The following AVEN variants were observed in gnomAD, a reference collection of about 807,000 sequenced individuals.
AVEN encodes the protein apoptosis and caspase activation inhibitor, also known as cell death regulator Aven.
Under a neutral mutation model 38.1 loss-of-function variants are expected in AVEN, and 41 were observed. The ratio of observed to expected loss-of-function variants is 1.08; its 90% CI spans 0.84 to 1.40. AVEN has a LOEUF of 1.40. Among genes scored for constraint, AVEN ranks in the 40% most tolerant of loss-of-function variants. The pLI, the probability that AVEN is intolerant of heterozygous loss-of-function variation, is 0.00. For synonymous variants in AVEN, 206 were observed against 171.8 expected (o/e 1.20, Z -1.56); for missense variants, 605 against 438.8 (o/e 1.38, Z -3.38).
chr15:34,032,927 T>C (rs1228827788), intron 1 of AVEN, among the ~76,000 whole-genome samples: 1 of 152,224 alleles, frequency 6.6e-6, no homozygotes, highest in Non-Finnish European at 1.5e-5. Context: ...CCTAATACAG[T>C]CATCACTTGA....
chr15:33,891,954 T>G (rs1398661737), intron 2 of AVEN, among the ~76,000 whole-genome samples: 1 of 152,258 alleles, frequency 6.6e-6, no homozygotes, highest in African/African-American at 2.4e-5. Context: ...TCATTGTGGT[T>G]TTGATTTGCA....
At position 33,867,784 on chromosome 15, in the gene AVEN, C is replaced by T. The variant is rs1288655438; in HGVS notation, c.684G>A (p.Gln228=). ...CTCCAGGCCCCAAGGGCCCCTTTAA[C>T]TGCATCCCTAATCCCTTGCCATCAT... ...RTDDGKGLGM[Q]LKGPLGPGGR... Residue 228 remains glutamine (Q), a synonymous_variant, in exon 5 of 6, where the codon CAG becomes CAA. Transcript: ENST00000306730. 6.2e-7 allele frequency: 1 copy of T among 1,614,036 alleles called. No individual in the cohort carries two copies. The highest frequency in any genetic ancestry group is 8.5e-7 in the Non-Finnish European group (1 of 1,179,942).
Position 34,038,786 on chromosome 15 carries a change from G to T in AVEN, c.261C>A (p.Ser87Arg), listed in dbSNP as rs1306024319. 2 of 1,183,328 alleles carry T rather than the reference G, an allele frequency of 1.7e-6. No individual in the cohort carries two copies. Among genetic ancestry groups the T allele is most frequent in the Non-Finnish European group, 2.1e-6 (2 of 957,176 alleles). 73.3% of individuals were successfully genotyped at this position (1,183,328 alleles called of 1,614,324 possible). ...ACCAGCCGTCGCCTCTTACCGGCGC[G>T]CTGGCCCCTGCGCCCCAGCCTCCCG... ...REPGGWGAGA[S>R]APVEDDSDAE... Residue 87 changes from serine to arginine, a missense_variant, in exon 1 of 6, where the codon AGC becomes AGA. By Grantham distance (110) the Ser-to-Arg change is moderately radical (BLOSUM62 -1). Coordinates refer to ENST00000306730, the MANE Select transcript of AVEN (RefSeq NM_020371.3).
chr15:33,881,457 A>T (rs1317961271), intron 2 of AVEN, among the ~76,000 whole-genome samples: 1 of 152,140 alleles, frequency 6.6e-6, no homozygotes, highest in Non-Finnish European at 1.5e-5. Flanking sequence ...CAGTGGCACA[A>T]TCATAGCTCA....
chr15:34,048,987 G>T (rs964991928), intron 5 of AVEN, among the ~76,000 whole-genome samples: 4 of 152,076 alleles, frequency 2.6e-5, no homozygotes, highest in Non-Finnish European at 5.9e-5. Context: ...ACTGTTAAAA[G>T]AAAAACAAAC....
At chr15:34,017,495 T>TTTTG (rs1567469678) in intron 1 of AVEN, among the ~76,000 whole-genome samples, 2 of 108,380 alleles carry the variant, frequency 1.8e-5, no homozygotes, top group African/African-American at 5.3e-5. Flanking sequence ...TTTTTTTTTT[T>TTTTG]TTTTTGAGAC....
chr15:34,029,644 G>A (rs1301577891), intron 1 of AVEN, among the ~76,000 whole-genome samples: 1 of 152,090 alleles, frequency 6.6e-6, no homozygotes, highest in Non-Finnish European at 1.5e-5. Flanking sequence ...CAACACTTGG[G>A]AATGGAGTGA....
intron 2 of AVEN, among the ~76,000 whole-genome samples, chr15:33,999,426 G>A (rs1161630111): frequency 6.6e-6 from 1 of 152,176 alleles, no homozygotes; most frequent in African/African-American, 2.4e-5. Context: ...TATATTGAGT[G>A]TGCCAGCCAT....
chr15:33,984,691 T>C (rs982590836), intron 2 of AVEN, among the ~76,000 whole-genome samples: 8 of 152,158 alleles, frequency 5.3e-5, no homozygotes, highest in African/African-American at 1.9e-4. Flanking sequence ...TGTGAGGCAC[T>C]GCACCCAGCC....
rs546677029 is a variant in AVEN at position 33,892,165 on chromosome 15, A to G, written c.446-16170T>C. Among the ~76,000 whole-genome samples the G allele has an allele frequency of 2.0e-3, 302 of 152,164 alleles. 2 individuals carry two copies. The highest frequency in any genetic ancestry group is 2.1e-3 in the Non-Finnish European group (145 of 67,992). On this transcript the variant is annotated intron_variant, in intron 2 of 5. Coordinates refer to ENST00000306730, the MANE Select transcript of AVEN (RefSeq NM_020371.3). Reference sequence around the variant, plus strand: ...GGGTAGATTGCAAAAATTTTCTCCGATTCTGTAGGTTGCCTGTTCACTCTG... The same window carrying G: ...GGGTAGATTGCAAAAATTTTCTCCGGTTCTGTAGGTTGCCTGTTCACTCTG...
chr15:33,854,716 G>C (rs780509471), downstream of AVEN: 4 of 1,557,268 alleles, frequency 2.6e-6, no homozygotes, highest in African/African-American at 5.5e-5. Context: ...TTTATAATGA[G>C]CACACTATGA....
intron 2 of AVEN, among the ~76,000 whole-genome samples, chr15:33,921,680 A>G (rs1488763421): frequency 1.3e-5 from 2 of 152,356 alleles, no homozygotes; most frequent in East Asian, 1.9e-4. Context: ...TGACATCATG[A>G]GGGTTTGAGC....
chr15:34,053,575 G>T (rs1900024139), intron 5 of AVEN, among the ~76,000 whole-genome samples: 1 of 151,806 alleles, frequency 6.6e-6, no homozygotes, highest in African/African-American at 2.4e-5. Flanking sequence ...ACAAGCAGTG[G>T]GGAAAGGATT....
chr15:33,926,967 A>C (rs1431812720), intron 2 of AVEN, among the ~76,000 whole-genome samples: 2 of 152,184 alleles, frequency 1.3e-5, no homozygotes, highest in Non-Finnish European at 2.9e-5. Flanking sequence ...AAATAAAATA[A>C]AAATAATTTT....
intron 2 of AVEN, among the ~76,000 whole-genome samples, chr15:33,916,800 G>T (rs550058651): frequency 1.3e-5 from 2 of 152,058 alleles, no homozygotes; most frequent in East Asian, 3.9e-4. Flanking sequence ...AAAAACTGGT[G>T]AGACTGGGTA....
At chr15:33,974,809 A>G (rs1452369232) in intron 2 of AVEN, among the ~76,000 whole-genome samples, 1 of 152,022 alleles carries the variant, frequency 6.6e-6, no homozygotes, top group East Asian at 1.9e-4. Context: ...CCCGTTTCTA[A>G]TAAAAATACA....
At chr15:33,876,805 G>A (rs2153036438) in intron 2 of AVEN, among the ~76,000 whole-genome samples, 1 of 152,098 alleles carries the variant, frequency 6.6e-6, no homozygotes, top group Non-Finnish European at 1.5e-5. Flanking sequence ...TTTTAAAAAG[G>A]ACTGTATAAG....
chr15:34,049,317 T>C (rs1326361329), intron 5 of AVEN, among the ~76,000 whole-genome samples: 2 of 152,098 alleles, frequency 1.3e-5, no homozygotes, highest in East Asian at 3.9e-4. Context: ...GAGAAAACAA[T>C]GCAGGAGCTG....
rs373677487 is a variant in AVEN at position 34,064,056 on chromosome 15, A to G, written n.1127-624T>C. 1.7e-5 allele frequency: 27 copies of G among 1,614,068 alleles called. No homozygotes were observed. The African/African-American group carries it at 2.4e-4, about 14-fold the overall frequency. On this transcript the variant is annotated intron_variant and non_coding_transcript_variant, in intron 4 of 11. Coordinates refer to the AVEN transcript ENST00000675287. ...GAAAGCAGCCCAGACACTGAGTGCC[A>G]TTCTCCTGGCCTTCATCATCACATG...
Sources: allele counts gnomAD v4.1 joint callset (sites outside exome capture counted in the v4.1 genomes callset), GRCh38; gene constraint gnomAD v4.1.1; transcripts MANE v1.5; gene names NCBI Gene and HGNC (gene_info 2026-07-23, HGNC 2026-07-21).